COL25A1: variants seen among roughly 807,000 people sequenced by gnomAD.
COL25A1 encodes the protein collagen alpha-1(XXV) chain.
COL25A1 carries 103 observed loss-of-function variants against 128.4 expected under a neutral mutation model. That is an observed-to-expected ratio of 0.80 (90% CI 0.68 to 0.94). The LOEUF is 0.94. Among genes scored for constraint, COL25A1 ranks in the 40% least tolerant of loss-of-function variants. The pLI, the probability that COL25A1 is intolerant of heterozygous loss-of-function variation, is 0.00. For missense variants in COL25A1, 745 were observed against 840.0 expected (o/e 0.89, Z 1.40); for synonymous variants, 279 against 277.2 (o/e 1.01, Z -0.06).
chr4:108,888,727 T>A (rs72897041), intron 18 of COL25A1, among the ~76,000 whole-genome samples: 1 of 152,098 alleles, frequency 6.6e-6, no homozygotes, highest in Non-Finnish European at 1.5e-5. Context: ...CAAGTAGATA[T>A]AAATCACATA....
chr4:108,848,489 G>T (rs1485897872), intron 27 of COL25A1, among the ~76,000 whole-genome samples: 1 of 152,150 alleles, frequency 6.6e-6, no homozygotes, highest in Non-Finnish European at 1.5e-5. Context: ...ACTTGGTAAT[G>T]ATTTTACAAG....
At chr4:109,139,985 C>T (rs1241718382) in intron 3 of COL25A1, among the ~76,000 whole-genome samples, 23 of 152,072 alleles carry the variant, frequency 1.5e-4, no homozygotes, top group Admixed American at 1.5e-3. Context: ...CATCGATGTC[C>T]CTACAAAGAC....
At chr4:108,915,901 A>G (rs189810929) in intron 13 of COL25A1, among the ~76,000 whole-genome samples, 1 of 152,324 alleles carries the variant, frequency 6.6e-6, no homozygotes, top group African/African-American at 2.4e-5. Context: ...TTAGAAAAAC[A>G]AATTCTAGAG....
Position 108,811,795 on chromosome 4 carries a change from C to T in COL25A1, c.*2132G>A, listed in dbSNP as rs2125698183. On this transcript the variant is annotated 3_prime_UTR_variant, in exon 38 of 38. Coordinates refer to ENST00000399132, the MANE Select transcript of COL25A1 (RefSeq NM_198721.4). ...CAGAAATGTTACCAATTAGACTGAT[C>T]TAATAGTTTAAACATCTTTCAACCT... 1 of 152,148 alleles carries T rather than the reference C, an allele frequency of 6.6e-6. No homozygotes were observed. Among genetic ancestry groups the T allele is most frequent in the East Asian group, 1.9e-4 (1 of 5,182 alleles). The allele number at this position is 152,148 out of a possible 1,614,324, so 9.4% of individuals were successfully genotyped here. A position where few individuals can be genotyped will look rare whatever the true frequency, so the allele number is the denominator to read the frequency against.
intron 3 of COL25A1, among the ~76,000 whole-genome samples, chr4:109,162,927 C>T (rs1361843161): frequency 6.6e-6 from 1 of 152,166 alleles, no homozygotes; most frequent in East Asian, 1.9e-4. Flanking sequence ...ATAAGTCGTT[C>T]TCTCTTCCTC....
chr4:109,000,410 G>C (rs889106533), intron 6 of COL25A1, among the ~76,000 whole-genome samples: 12 of 152,144 alleles, frequency 7.9e-5, no homozygotes, highest in Non-Finnish European at 1.5e-4. Flanking sequence ...TATGTAATCT[G>C]TCTGACCAAA....
chr4:109,004,745 C>T (rs1755802046), intron 6 of COL25A1, among the ~76,000 whole-genome samples: 1 of 152,140 alleles, frequency 6.6e-6, no homozygotes, highest in Admixed American at 6.6e-5. Flanking sequence ...TTGTAAGCTT[C>T]CTAAGACTTC....
intron 3 of COL25A1, among the ~76,000 whole-genome samples, chr4:109,084,914 C>T (rs1248195389): frequency 6.6e-6 from 1 of 152,118 alleles, no homozygotes; most frequent in Non-Finnish European, 1.5e-5. Flanking sequence ...CTTATTCTTT[C>T]TTGCATTTTA....
rs55997800 is a variant in COL25A1 at position 109,254,469 on chromosome 4, T to TTATATATATATATATA, written c.367+46098_367+46113dup. Among the ~76,000 whole-genome samples the TTATATATATATATATA allele has an allele frequency of 5.8e-3, 345 of 59,348 alleles. 1 individual carries two copies. Among genetic ancestry groups the TTATATATATATATATA allele is most frequent in the African/African-American group, 0.011 (202 of 17,856 alleles). The allele number at this position is 59,348 out of a possible 152,430, so 38.9% of individuals were successfully genotyped here. Reference sequence around the variant, plus strand: ...GTGCTATGTACATGTAGGCATATGTTTATATATATATATATATATATATAT... The same window carrying TTATATATATATATATA: ...GTGCTATGTACATGTAGGCATATGTTTATATATATATATATATATATATATATATATATATATATAT... On this transcript the variant is annotated intron_variant, in intron 3 of 37. Transcript: ENST00000399132.
At chr4:109,279,819 T>C (rs1481698132) in intron 3 of COL25A1, among the ~76,000 whole-genome samples, 1 of 152,176 alleles carries the variant, frequency 6.6e-6, no homozygotes, top group East Asian at 1.9e-4. Context: ...ATTTCCTTTT[T>C]CTCCAGCATC....
At chr4:109,131,724 C>A (rs1769222252) in intron 3 of COL25A1, among the ~76,000 whole-genome samples, 1 of 152,186 alleles carries the variant, frequency 6.6e-6, no homozygotes, top group African/African-American at 2.4e-5. Context: ...GCAGCACATG[C>A]TGAGGCTGGG....
intron 11 of COL25A1, among the ~76,000 whole-genome samples, chr4:108,929,709 C>T (rs1466511318): frequency 6.6e-6 from 1 of 152,012 alleles, no homozygotes; most frequent in Non-Finnish European, 1.5e-5. Flanking sequence ...TGCCTTAGTC[C>T]TAGCAACTTG....
chr4:109,222,034 T>C (rs17040089), intron 3 of COL25A1, among the ~76,000 whole-genome samples: 12,523 of 150,672 alleles, frequency 0.083, 1,127 homozygotes, highest in African/African-American at 0.23. Flanking sequence ...TAAGTGACTT[T>C]TTGTATTTGT....
intron 3 of COL25A1, among the ~76,000 whole-genome samples, chr4:109,293,365 T>C (rs1485499961): frequency 6.6e-6 from 1 of 151,968 alleles, no homozygotes; most frequent in Admixed American, 6.6e-5. Flanking sequence ...CCTCCCCTCT[T>C]TTACTCTCCT....
chr4:108,994,286 G>A (rs1377378332), intron 6 of COL25A1, among the ~76,000 whole-genome samples: 1 of 152,202 alleles, frequency 6.6e-6, no homozygotes, highest in African/African-American at 2.4e-5. Context: ...TTAACAACTG[G>A]CAGAACAGAA....
chr4:109,018,985 G>C (rs1757456037), intron 5 of COL25A1, among the ~76,000 whole-genome samples: 2 of 152,160 alleles, frequency 1.3e-5, no homozygotes, highest in Non-Finnish European at 2.9e-5. Context: ...GGTTAATAGG[G>C]AGTGTCAACT....
intron 3 of COL25A1, among the ~76,000 whole-genome samples, chr4:109,125,114 A>C (rs889427447): frequency 1.3e-5 from 2 of 152,136 alleles, no homozygotes; most frequent in Non-Finnish European, 2.9e-5. Context: ...TTCTGATAGA[A>C]TCTATGTCTA....
At chr4:109,298,509 C>A (rs1193297169) in intron 3 of COL25A1, among the ~76,000 whole-genome samples, 1 of 152,162 alleles carries the variant, frequency 6.6e-6, no homozygotes, top group Non-Finnish European at 1.5e-5. Context: ...GTCTAGGTGA[C>A]AACTCTTAGT....
intron 3 of COL25A1, among the ~76,000 whole-genome samples, chr4:109,242,785 C>A (rs1560919890): frequency 6.6e-6 from 1 of 151,798 alleles, no homozygotes; most frequent in Non-Finnish European, 1.5e-5. Flanking sequence ...AAATATATTT[C>A]TTTTATCTTT....
Sources: allele counts gnomAD v4.1 joint callset (sites outside exome capture counted in the v4.1 genomes callset), GRCh38; gene constraint gnomAD v4.1.1; transcripts MANE v1.5; gene names NCBI Gene and HGNC (gene_info 2026-07-23, HGNC 2026-07-21).